CCT6B: variants seen among roughly 807,000 people sequenced by gnomAD.
The protein encoded by CCT6B is chaperonin containing TCP1 subunit 6B.
A neutral mutation model predicts 61.5 loss-of-function variants in CCT6B; 49 were observed. That is an observed-to-expected ratio of 0.80 (90% CI 0.63 to 1.01). The LOEUF (loss-of-function observed/expected upper bound fraction) is 1.01. Among genes scored for constraint, CCT6B ranks in the 50% least tolerant of loss-of-function variants. The pLI, the probability that CCT6B is intolerant of heterozygous loss-of-function variation, is 0.00. For missense variants in CCT6B, 666 were observed against 634.7 expected (o/e 1.05, Z -0.53); for synonymous variants, 228 against 214.5 (o/e 1.06, Z -0.55).
chr17:34,957,815 T>C (rs905205896), intron 3 of CCT6B, among the ~76,000 whole-genome samples: 2 of 152,134 alleles, frequency 1.3e-5, no homozygotes, highest in Non-Finnish European at 2.9e-5. Context: ...AAAATGTACA[T>C]GATGTTTTCA....
At chr17:34,928,351 C>T (rs1174179141) in intron 13 of CCT6B, among the ~76,000 whole-genome samples, 1 of 151,778 alleles carries the variant, frequency 6.6e-6, no homozygotes, top group Admixed American at 6.6e-5. Context: ...CAGCTTACTG[C>T]AACTTCTGCC....
chr17:34,950,860 C>A (rs770267162), intron 5 of CCT6B, among the ~76,000 whole-genome samples: 8 of 150,460 alleles, frequency 5.3e-5, no homozygotes, highest in African/African-American at 2.0e-4. Flanking sequence ...ACCCAGTAGG[C>A]GGAGGTTGCA....
chr17:34,961,371 T>C lies in CCT6B; in HGVS notation c.23A>G (p.Asn8Ser), dbSNP rs200077186. Residue 8 changes from asparagine to serine, a missense_variant, in exon 1 of 14, where the codon AAC becomes AGC. By Grantham distance (46) the Asn-to-Ser change is conservative. Coordinates refer to ENST00000314144, the MANE Select transcript of CCT6B (RefSeq NM_006584.4). MAAIKAV[N>S]SKAEVARARA... ...GGCCCGCGCCACCTCAGCCTTGGAG[T>C]TGACGGCCTTTATCGCAGCCATAGC... 8 of 1,609,472 alleles carry C rather than the reference T, an allele frequency of 5.0e-6. No homozygotes were observed. The East Asian group carries it at 1.1e-4, about 22-fold the overall frequency.
At chr17:34,936,874 AG>A (rs2090100244) in intron 10 of CCT6B, among the ~76,000 whole-genome samples, 1 of 152,078 alleles carries the variant, frequency 6.6e-6, no homozygotes, top group Non-Finnish European at 1.5e-5. Flanking sequence ...CCAATCAAGC[AG>A]GGTGTAATGG....
At chr17:34,928,578 T>C (rs1446067853) in intron 13 of CCT6B, among the ~76,000 whole-genome samples, 1 of 152,228 alleles carries the variant, frequency 6.6e-6, no homozygotes, top group East Asian at 1.9e-4. Context: ...GGCCCAAATG[T>C]CACCCTTTGT....
At chr17:34,942,409 G>A (rs1004130697) in intron 7 of CCT6B, 75 bp downstream of exon 7, 14 of 1,154,996 alleles carry the variant, frequency 1.2e-5, no homozygotes, top group African/African-American at 1.6e-5. Context: ...GGGATTCTTA[G>A]GGGTCCACAG....
intron 5 of CCT6B, among the ~76,000 whole-genome samples, chr17:34,945,780 G>A (rs1300281940): frequency 2.0e-5 from 3 of 152,140 alleles, no homozygotes; most frequent in Non-Finnish European, 4.4e-5. Context: ...AACTAAACAT[G>A]CTGGCTTAAA....
intron 5 of CCT6B, among the ~76,000 whole-genome samples, chr17:34,950,837 G>A (rs898518566): frequency 6.6e-6 from 1 of 151,936 alleles, no homozygotes; most frequent in Admixed American, 6.6e-5. Context: ...GCTGAGGCAG[G>A]GGAATCACTT....
chr17:34,945,453 G>A (rs1018664674), intron 5 of CCT6B, among the ~76,000 whole-genome samples: 2 of 152,080 alleles, frequency 1.3e-5, no homozygotes, highest in Non-Finnish European at 2.9e-5. Flanking sequence ...CACTTTTCCT[G>A]CTGATCATGA....
chr17:34,955,163 T>C (rs2090334234), intron 3 of CCT6B, among the ~76,000 whole-genome samples: 1 of 152,106 alleles, frequency 6.6e-6, no homozygotes, highest in Non-Finnish European at 1.5e-5. Context: ...AGTAGCAATA[T>C]CATGAAGCAT....
At position 34,939,189 on chromosome 17, in the gene CCT6B, C is replaced by T; in HGVS notation, c.1207G>A (p.Glu403Lys). 1 of 1,613,512 alleles carries T rather than the reference C, an allele frequency of 6.2e-7. No individual in the cohort carries two copies. The highest frequency in any genetic ancestry group is 8.5e-7 in the Non-Finnish European group (1 of 1,179,698). The change falls in exon 10 of 14, where the codon GAA becomes AAA. Residue 403 changes from glutamate to lysine, a missense_variant. Physicochemically the swap from Glu to Lys is moderately conservative, Grantham distance 56. Transcript: ENST00000314144. ...DGLRAIKNAI[E>K]DGCMVPGAGA... ...ATCACAAGAAAGAGCTTACCATCTT[C>T]AATGGCATTTTTGATAGCACGAAGT...
intron 5 of CCT6B, among the ~76,000 whole-genome samples, chr17:34,948,728 AAAC>A (rs928646697): frequency 6.6e-6 from 1 of 150,832 alleles, no homozygotes; most frequent in African/African-American, 2.4e-5. Context: ...AAAAAAAAAA[AAAC>A]AAAACAAAAC....
Position 34,959,549 on chromosome 17 carries a change from CTTATTAAGGT to C in CCT6B, c.201+28_201+37del, listed in dbSNP as rs771713822. 3.4e-6 allele frequency: 5 copies of C among 1,457,990 alleles called. No individual in the cohort carries two copies. In the African/African-American group the frequency reaches 6.9e-5, roughly 20 times the overall value. 90.3% of individuals were successfully genotyped at this position (1,457,990 alleles called of 1,614,324 possible). On this transcript the variant is annotated intron_variant, in intron 2 of 13. Coordinates refer to ENST00000314144, the MANE Select transcript of CCT6B (RefSeq NM_006584.4). ...AGTTCTACTATGCTTCTAATTAAGG[CTTATTAAGGT>C]TTATTAAAGTCAGCAGCATCAGCTC...
At chr17:34,956,190 T>C (rs1050754605) in intron 3 of CCT6B, among the ~76,000 whole-genome samples, 1 of 152,174 alleles carries the variant, frequency 6.6e-6, no homozygotes, top group African/African-American at 2.4e-5. Context: ...CAGCCTCTTC[T>C]CCACTACTGT....
chr17:34,950,814 A>T (rs2090282889), intron 5 of CCT6B, among the ~76,000 whole-genome samples: 1 of 152,110 alleles, frequency 6.6e-6, no homozygotes. Context: ...CTGTAGTCCC[A>T]GCTACTCAGA....
In CCT6B at chr17:34,932,602, A is replaced by C. The variant is rs1191774474; in HGVS notation, c.1214-102T>G. On this transcript the variant is annotated intron_variant, in intron 10 of 13. Transcript: ENST00000314144. ...ACTATTTAAGTATGTTCTATTATCT[A>C]CAGAAACCAAATAAATTGCACAGCT... 2.9e-6 allele frequency: 3 copies of C among 1,024,412 alleles called. No individual in the cohort carries two copies. In the East Asian group the frequency reaches 7.5e-5, roughly 26 times the overall value. The allele number at this position is 1,024,412 out of a possible 1,614,324, so 63.5% of individuals were successfully genotyped here.
intron 1 of CCT6B, among the ~76,000 whole-genome samples, chr17:34,959,860 T>C (rs1401342298): frequency 6.6e-6 from 1 of 152,214 alleles, no homozygotes; most frequent in Non-Finnish European, 1.5e-5. Flanking sequence ...ATGGACTATT[T>C]ACAGGTTTAA....
intron 13 of CCT6B, 101 bp downstream of exon 13, chr17:34,928,861 T>C: frequency 1.6e-6 from 1 of 636,494 alleles, no homozygotes; most frequent in Non-Finnish European, 2.7e-6. Flanking sequence ...CACTTGACAA[T>C]TTTTCCACTG....
chr17:34,946,977 T>A (rs1361842584), intron 5 of CCT6B, among the ~76,000 whole-genome samples: 1 of 152,206 alleles, frequency 6.6e-6, no homozygotes, highest in Non-Finnish European at 1.5e-5. Flanking sequence ...ATTTGGAAAA[T>A]TAATCAAGTC....
Sources: gnomAD v4.1 joint callset for allele counts (sites outside exome capture counted in the v4.1 genomes callset) on GRCh38, gnomAD v4.1.1 for gene constraint, MANE v1.5 for transcripts, NCBI Gene and HGNC (gene_info 2026-07-23, HGNC 2026-07-21) for gene names.